Variants in COL28A1 observed in about 807,000 individuals in gnomAD.
The protein encoded by COL28A1 is collagen type XXVIII alpha 1 chain.
COL28A1 carries 161 observed loss-of-function variants against 150.2 expected under a neutral mutation model. That is an observed-to-expected ratio of 1.07 (90% CI 0.94 to 1.22). COL28A1 has a LOEUF of 1.22. Among genes scored for constraint, COL28A1 ranks in the 50% most tolerant of loss-of-function variants. The probability of loss-of-function intolerance (pLI) is 0.00; values close to 1 mark genes in which losing one functional copy is unlikely to be tolerated. For synonymous variants in COL28A1, 552 were observed against 469.7 expected (o/e 1.18, Z -2.26); for missense variants, 1,617 against 1,388.3 (o/e 1.16, Z -2.62).
At chr7:7,394,240 C>CA (rs2128295667) in intron 27 of COL28A1, among the ~76,000 whole-genome samples, 1 of 152,228 alleles carries the variant, frequency 6.6e-6, no homozygotes, top group African/African-American at 2.4e-5. Flanking sequence ...CACCCTACTT[C>CA]AACTCACCCT....
chr7:7,519,977 G>A (rs960320296), intron 6 of COL28A1, 85 bp downstream of exon 6: 86 of 757,256 alleles, frequency 1.1e-4, no homozygotes, highest in Non-Finnish European at 1.7e-4. Flanking sequence ...ATACTACAAT[G>A]CTTTTTATTT....
chr7:7,454,291 T>C (rs994974700), intron 16 of COL28A1, among the ~76,000 whole-genome samples: 3 of 152,142 alleles, frequency 2.0e-5, no homozygotes, highest in African/African-American at 7.2e-5. Context: ...TAGGAAGATC[T>C]AACATAACAA....
intron 27 of COL28A1, among the ~76,000 whole-genome samples, chr7:7,406,322 A>G (rs1583303901): frequency 6.6e-6 from 1 of 152,134 alleles, no homozygotes; most frequent in African/African-American, 2.4e-5. Flanking sequence ...CTTGGTCATC[A>G]CCCACCAAGT....
chr7:7,508,006 G>A (rs1234007749), intron 9 of COL28A1, among the ~76,000 whole-genome samples: 2 of 152,182 alleles, frequency 1.3e-5, no homozygotes, highest in African/African-American at 4.8e-5. Flanking sequence ...GCCGAGGCGG[G>A]CGGATCACGA....
At chr7:7,435,566 G>C (rs1476096787) in intron 23 of COL28A1, among the ~76,000 whole-genome samples, 1 of 151,980 alleles carries the variant, frequency 6.6e-6, no homozygotes, top group African/African-American at 2.4e-5. Context: ...AAACAGGAGA[G>C]GCTCAAGATT....
At chr7:7,503,916 G>C (rs541486638) in intron 11 of COL28A1, among the ~76,000 whole-genome samples, 152 of 152,220 alleles carry the variant, frequency 1.0e-3, no homozygotes, top group African/African-American at 3.4e-3. Flanking sequence ...TTGTTCACTT[G>C]GCAGTGAACT....
chr7:7,339,633 T>C, the COL28A1 span, among the ~76,000 whole-genome samples: 7 of 152,274 alleles, frequency 4.6e-5, no homozygotes, highest in African/African-American at 1.7e-4. Flanking sequence ...GGAGATCTCA[T>C]TCATTCATTT....
intron 11 of COL28A1, among the ~76,000 whole-genome samples, chr7:7,491,370 T>A (rs867179474): frequency 1.6e-4 from 25 of 152,214 alleles, no homozygotes; most frequent in Admixed American, 9.8e-4. Flanking sequence ...AGAGATGTGA[T>A]AACTGTCTTG....
In COL28A1 at chr7:7,373,829, AG is replaced by A. The variant is rs1284903298; in HGVS notation, c.2360-284del. 6.6e-6 allele frequency among the ~76,000 whole-genome samples: 1 copy of A among 151,286 alleles called. No homozygotes were observed. The highest frequency in any genetic ancestry group is 1.5e-5 in the Non-Finnish European group (1 of 67,902). ...ATTCTCCAGCCTCAGCCTCCCGAGT[AG>A]CTGGGACTACAGGCGCCCGCCACCT... On this transcript the variant is annotated intron_variant, in intron 31 of 34. Transcript: ENST00000399429. This position sits in a 1 kb window ranked among gnomAD's most constrained non-coding sequence, Gnocchi z 4.1.
At chr7:7,431,758 A>G (rs1442730684) in intron 25 of COL28A1, 3 of 347,792 alleles carry the variant, frequency 8.6e-6, no homozygotes, top group African/African-American at 4.3e-5. Flanking sequence ...GGTGGAACAG[A>G]GGGAAGACCA....
At chr7:7,377,678 T>C (rs1214851415) in intron 30 of COL28A1, among the ~76,000 whole-genome samples, 6 of 151,804 alleles carry the variant, frequency 4.0e-5, no homozygotes, top group Non-Finnish European at 8.8e-5. Flanking sequence ...TGTTGAAGAG[T>C]GTGAACTTTC....
intron 20 of COL28A1, among the ~76,000 whole-genome samples, chr7:7,441,440 G>T (rs2128320595): frequency 6.8e-6 from 1 of 147,868 alleles, no homozygotes; most frequent in Non-Finnish European, 1.5e-5. Flanking sequence ...TCTCCCAAAA[G>T]AATTCCTTTA....
intron 13 of COL28A1, among the ~76,000 whole-genome samples, chr7:7,484,749 G>T (rs991012782): frequency 2.0e-5 from 3 of 152,112 alleles, no homozygotes; most frequent in African/African-American, 4.8e-5. Flanking sequence ...ATCAATAGTA[G>T]ACTGGATAAA....
At chr7:7,511,260 A>G (rs2092028160) in intron 8 of COL28A1, 125 bp from the exon 9 acceptor site, 1 of 715,276 alleles carries the variant, frequency 1.4e-6, no homozygotes, top group Admixed American at 2.4e-5. Flanking sequence ...TTTGGTTTCT[A>G]CACAATATTA....
At chr7:7,383,283 TG>T (rs1562512306) in intron 27 of COL28A1, among the ~76,000 whole-genome samples, 1,247 of 122,200 alleles carry the variant, frequency 0.01, 9 homozygotes, top group African/African-American at 0.028. Context: ...TGTGTGTGTG[TG>T]TGTGTTTTTT....
chr7:7,531,746 C>T lies in COL28A1; in HGVS notation c.283G>A (p.Ala95Thr). 1 of 1,609,952 alleles carries T rather than the reference C, an allele frequency of 6.2e-7. No homozygotes were observed. Among genetic ancestry groups the T allele is most frequent in the African/African-American group, 1.3e-5 (1 of 74,928 alleles). ...TGGACAGAGCTGCTAAACTGAAGGG[C>T]TGCCAGTTTGATGTCATATTCCAAG... ...RSLEYDIKLA[A>T]LQFSSSVQID... Residue 95 changes from alanine to threonine, a missense_variant, in exon 3 of 35, where the codon GCC becomes ACC. Transcript: ENST00000399429.
chr7:7,541,853 T>TGAGGCACTG, the COL28A1 span, among the ~76,000 whole-genome samples: 1 of 151,906 alleles, frequency 6.6e-6, no homozygotes, highest in African/African-American at 2.4e-5. Flanking sequence ...CTACTATATG[T>TGAGGCACTG]GAGGCACTGG....
At chr7:7,383,819 C>T (rs1401883533) in intron 27 of COL28A1, among the ~76,000 whole-genome samples, 1 of 151,550 alleles carries the variant, frequency 6.6e-6, no homozygotes. Flanking sequence ...TCCAATATTT[C>T]TGTATTAAAA....
At chr7:7,438,673 AT>A (rs1344729071) in intron 21 of COL28A1, among the ~76,000 whole-genome samples, 1 of 144,712 alleles carries the variant, frequency 6.9e-6, no homozygotes. Flanking sequence ...ATTTATATAA[AT>A]TCATAACATA....
Sources: gnomAD v4.1 joint callset for allele counts (sites outside exome capture counted in the v4.1 genomes callset) on GRCh38, gnomAD v4.1.1 for gene constraint, Gnocchi (gnomAD v3.1) non-coding constraint, MANE v1.5 for transcripts, NCBI Gene and HGNC (gene_info 2026-07-23, HGNC 2026-07-21) for gene names.